Variants in PLXNA4 observed in about 807,000 individuals in gnomAD.
PLXNA4 encodes the protein plexin-A4.
PLXNA4 carries 44 observed loss-of-function variants against 191.8 expected under a neutral mutation model. The observed-to-expected ratio is 0.23, with a 90% CI of 0.18 to 0.29. PLXNA4 has a LOEUF of 0.29. Ranked by LOEUF, PLXNA4 falls within the 10% of genes least tolerant of loss-of-function variation. PLXNA4 has a pLI of 1.00. For synonymous variants in PLXNA4, 1,082 were observed against 1,009.5 expected (o/e 1.07, Z -1.36); for missense variants, 1,800 against 2,488.8 (o/e 0.72, Z 5.89).
chr7:132,573,264 T>C (rs1802062129), intron 1 of PLXNA4, among the ~76,000 whole-genome samples: 1 of 152,140 alleles, frequency 6.6e-6, no homozygotes, highest in South Asian at 2.1e-4. Flanking sequence ...ATGGTCGTGT[T>C]TTCTGTATTG....
intron 1 of PLXNA4, among the ~76,000 whole-genome samples, chr7:132,562,286 CCTCCTT>C (rs1425468118): frequency 7.8e-6 from 1 of 128,124 alleles, no homozygotes; most frequent in African/African-American, 3.3e-5. Context: ...TTCTCCTCCT[CCTCCTT>C]CTCCTCCTTC....
intron 3 of PLXNA4, among the ~76,000 whole-genome samples, chr7:132,314,599 A>G (rs114360528): frequency 0.01 from 1,584 of 152,310 alleles, 43 homozygotes; most frequent in African/African-American, 0.037. Flanking sequence ...AGGGTTGGAG[A>G]ATATCAAGAA....
At chr7:132,234,179 T>C (rs1798617079) in intron 5 of PLXNA4, among the ~76,000 whole-genome samples, 1 of 152,284 alleles carries the variant, frequency 6.6e-6, no homozygotes, top group South Asian at 2.1e-4. Context: ...TCTAATCCAG[T>C]CGGTAACAAG....
intron 7 of PLXNA4, 44 bp from the exon 8 acceptor site, chr7:132,226,304 C>T (rs1168365081): frequency 6.6e-7 from 1 of 1,526,626 alleles, no homozygotes; most frequent in Non-Finnish European, 9.0e-7. Flanking sequence ...GCTGAGGCCC[C>T]AAGCCAGGGA....
At chr7:132,408,839 G>A (rs532062390) in intron 3 of PLXNA4, among the ~76,000 whole-genome samples, 70 of 151,762 alleles carry the variant, frequency 4.6e-4, no homozygotes, top group Non-Finnish European at 9.7e-4. Context: ...GCAGAGAAGT[G>A]CCCTCTCTGC....
At chr7:132,575,764 C>T (rs988325792) in intron 1 of PLXNA4, among the ~76,000 whole-genome samples, 2 of 152,194 alleles carry the variant, frequency 1.3e-5, no homozygotes, top group African/African-American at 4.8e-5. Context: ...GGCGCATTCC[C>T]GGGGAAGCAG....
intron 3 of PLXNA4, among the ~76,000 whole-genome samples, chr7:132,456,607 G>A (rs956319543): frequency 3.3e-5 from 5 of 151,874 alleles, no homozygotes; most frequent in African/African-American, 7.3e-5. Flanking sequence ...AGTGTGTGAC[G>A]AGAAGATAAC....
intron 24 of PLXNA4, among the ~76,000 whole-genome samples, chr7:132,161,652 T>C (rs1307435814): frequency 2.5e-4 from 38 of 151,916 alleles, no homozygotes; most frequent in African/African-American, 8.9e-4. Context: ...GGCTTCCAGG[T>C]GCGCATCTAG....
chr7:132,613,221 C>T (rs1237137746), intron 2 of PLXNA4, among the ~76,000 whole-genome samples: 3 of 152,074 alleles, frequency 2.0e-5, no homozygotes, highest in East Asian at 1.9e-4. Context: ...TTTTCCAACT[C>T]GGGATCTTCT....
chr7:132,288,557 T>A (rs1367329642), intron 4 of PLXNA4, among the ~76,000 whole-genome samples: 1 of 152,198 alleles, frequency 6.6e-6, no homozygotes, highest in Non-Finnish European at 1.5e-5. Flanking sequence ...TCCTCAGCCC[T>A]GTGCTTCAAG....
At chr7:132,345,752 C>T (rs1443280335) in intron 3 of PLXNA4, among the ~76,000 whole-genome samples, 1 of 152,168 alleles carries the variant, frequency 6.6e-6, no homozygotes, top group Non-Finnish European at 1.5e-5. Flanking sequence ...CAGAACAGTC[C>T]CAGCCTCACG....
At chr7:132,213,159 T>G (rs1316388506) in intron 9 of PLXNA4, among the ~76,000 whole-genome samples, 1 of 152,138 alleles carries the variant, frequency 6.6e-6, no homozygotes, top group Admixed American at 6.5e-5. Context: ...AAATGGCAAA[T>G]ACTGCAGGGT....
At chr7:132,383,782 A>T in intron 3 of PLXNA4, 1 of 985,270 alleles carries the variant, frequency 1.0e-6, no homozygotes, top group Non-Finnish European at 1.2e-6. Context: ...AATTGTCACC[A>T]GTTCAAAGGA....
In PLXNA4 at chr7:132,402,911, C is replaced by T. The variant is rs532061538; in HGVS notation, c.1371+86381G>A. 5.3e-5 allele frequency among the ~76,000 whole-genome samples: 8 copies of T among 152,366 alleles called. No homozygotes were observed. The South Asian group carries it at 1.7e-3, about 32-fold the overall frequency. ...ACCCATTGACCCCCAATCCAGAGAG[C>T]TAGTGTTGAAGAGCTCATTAACAAA... On this transcript the variant is annotated intron_variant, in intron 3 of 31. Coordinates refer to ENST00000321063, the MANE Select transcript of PLXNA4 (RefSeq NM_020911.2).
rs868132486 is a variant in PLXNA4, at chr7:132,182,018, C to A, written c.3252+79G>T. ...GTATGGGCAGGGAGTTACCTCAGTA[C>A]TTGGGAAGACCCACACCCTTTGGGG... On this transcript the variant is annotated intron_variant, in intron 17 of 31. Coordinates refer to ENST00000321063, the MANE Select transcript of PLXNA4 (RefSeq NM_020911.2). 7.1e-5 allele frequency: 114 copies of A among 1,604,026 alleles called. No homozygotes were observed. The African/African-American group carries it at 1.3e-3, about 18-fold the overall frequency.
chr7:132,315,900 G>A (rs1426074710), intron 3 of PLXNA4, among the ~76,000 whole-genome samples: 1 of 152,164 alleles, frequency 6.6e-6, no homozygotes, highest in Non-Finnish European at 1.5e-5. Flanking sequence ...TGACTTTTGG[G>A]GGCATGGTGG....
In PLXNA4 at chr7:132,291,193, C is replaced by CTCCA. The variant is rs538019707; in HGVS notation, c.1503+6894_1503+6897dup. Among the ~76,000 whole-genome samples the CTCCA allele has an allele frequency of 5.9e-5, 9 of 152,290 alleles. No individual in the cohort carries two copies. The East Asian group carries it at 1.7e-3, about 29-fold the overall frequency. ...CTCTGGCCTCTGTGCTTGCTGTTCC[C>CTCCA]TCCACCTGGACCACTTCTCCCCAGA... On this transcript the variant is annotated intron_variant, in intron 4 of 31. Coordinates refer to ENST00000321063, the MANE Select transcript of PLXNA4 (RefSeq NM_020911.2).
intron 2 of PLXNA4, among the ~76,000 whole-genome samples, chr7:132,602,828 T>C (rs1802845538): frequency 6.6e-6 from 1 of 152,190 alleles, no homozygotes; most frequent in Non-Finnish European, 1.5e-5. Flanking sequence ...GTCTCACCTT[T>C]CAATGGATTC....
intron 4 of PLXNA4, among the ~76,000 whole-genome samples, chr7:132,257,037 G>T (rs1799457308): frequency 6.6e-6 from 1 of 152,232 alleles, no homozygotes; most frequent in Non-Finnish European, 1.5e-5. Context: ...GAAGACACAG[G>T]TTGGGAGGGG....
Sources: gnomAD v4.1 joint callset for allele counts (sites outside exome capture counted in the v4.1 genomes callset) on GRCh38, gnomAD v4.1.1 for gene constraint, MANE v1.5 for transcripts, NCBI Gene and HGNC (gene_info 2026-07-23, HGNC 2026-07-21) for gene names.